TMPRSS15: variants seen among roughly 807,000 people sequenced by gnomAD.
TMPRSS15 encodes transmembrane serine protease 15, also known as enteropeptidase.
TMPRSS15 carries 128 observed loss-of-function variants against 125.3 expected under a neutral mutation model. That is an observed-to-expected ratio of 1.02 (90% CI 0.89 to 1.18). The LOEUF (loss-of-function observed/expected upper bound fraction) is 1.18, where lower values mean the gene tolerates loss of function less well. Among genes scored for constraint, TMPRSS15 ranks in the 50% most tolerant of loss-of-function variants. The pLI is 0.00. For synonymous variants in TMPRSS15, 446 were observed against 423.2 expected (o/e 1.05, Z -0.66); for missense variants, 1,283 against 1,212.7 (o/e 1.06, Z -0.86).
chr21:18,390,938 C>A (rs1355953286), intron 3 of TMPRSS15, among the ~76,000 whole-genome samples: 1 of 152,106 alleles, frequency 6.6e-6, no homozygotes, highest in East Asian at 1.9e-4. Flanking sequence ...ACCTTCTTCA[C>A]GTGGTGGCAG....
intron 19 of TMPRSS15, among the ~76,000 whole-genome samples, chr21:18,295,833 T>A (rs2074899960): frequency 2.6e-5 from 4 of 152,014 alleles, no homozygotes. Flanking sequence ...GTGGTCTGAG[T>A]CTGCATATAT....
chr21:18,271,788 C>G (rs1206583795), intron 24 of TMPRSS15, among the ~76,000 whole-genome samples: 2 of 151,962 alleles, frequency 1.3e-5, no homozygotes, highest in Non-Finnish European at 2.9e-5. Flanking sequence ...TCCATGTGTT[C>G]TCATTGTTCA....
At chr21:18,282,258 GTATAT>G (rs1284885716) in intron 21 of TMPRSS15, among the ~76,000 whole-genome samples, 1 of 152,062 alleles carries the variant, frequency 6.6e-6, no homozygotes, top group Non-Finnish European at 1.5e-5. Context: ...AAATTGGGTA[GTATAT>G]TATAATTTGA....
chr21:18,472,455 TTATATATATATA>T (rs34604020), intron 1 of TMPRSS15, among the ~76,000 whole-genome samples: 1 of 143,154 alleles, frequency 7.0e-6, no homozygotes, highest in Non-Finnish European at 1.5e-5. Context: ...GCTAAAAGAA[TTATATATATATA>T]TATATATATA....
intron 6 of TMPRSS15, 78 bp downstream of exon 6, chr21:18,372,115 T>TGC: frequency 8.4e-7 from 1 of 1,196,936 alleles, no homozygotes; most frequent in African/African-American, 1.5e-5. Flanking sequence ...TGTGTGTGTG[T>TGC]GTGTGTGTGT....
In TMPRSS15 at chr21:18,420,535, C is replaced by T. The variant is rs181838057; in HGVS notation, c.11-22206G>A. Among the ~76,000 whole-genome samples the T allele has an allele frequency of 7.6e-4, 116 of 152,282 alleles. No individual in the cohort carries two copies. The Middle Eastern group carries it at 0.01, about 13-fold the overall frequency. On this transcript the variant is annotated intron_variant, in intron 1 of 7. Coordinates refer to the TMPRSS15 transcript ENST00000422787. The stretch of plus-strand genomic sequence containing the variant: ...AGTAAAACCTGCATGTTACCTAAAA[C>T]AATTAGTAATTTGCCTTTGACTTAG...
At chr21:18,469,976 G>A (rs1251261282) in intron 1 of TMPRSS15, among the ~76,000 whole-genome samples, 1 of 151,932 alleles carries the variant, frequency 6.6e-6, no homozygotes, top group African/African-American at 2.4e-5. Context: ...TTAACCTTTG[G>A]TAAATTTCAT....
chr21:18,444,057 T>C (rs1601464865), intron 1 of TMPRSS15, among the ~76,000 whole-genome samples: 1 of 152,056 alleles, frequency 6.6e-6, no homozygotes. Flanking sequence ...GATGGCAGGG[T>C]GGGTGAATCC....
intron 9 of TMPRSS15, among the ~76,000 whole-genome samples, chr21:18,353,424 C>G (rs1045329185): frequency 9.9e-5 from 15 of 151,718 alleles, no homozygotes; most frequent in African/African-American, 3.6e-4. Flanking sequence ...GTAGAATTTT[C>G]TCTGAATTAG....
At chr21:18,425,647 T>A (rs919128829) in intron 1 of TMPRSS15, among the ~76,000 whole-genome samples, 3 of 152,096 alleles carry the variant, frequency 2.0e-5, no homozygotes, top group Admixed American at 6.5e-5. Context: ...TCTGTGTAGA[T>A]CAATAATTTA....
At chr21:18,345,274 T>A (rs1273145028) in intron 10 of TMPRSS15, among the ~76,000 whole-genome samples, 1 of 152,186 alleles carries the variant, frequency 6.6e-6, no homozygotes, top group African/African-American at 2.4e-5. Flanking sequence ...ATTTCATGAG[T>A]ACATATCTTA....
intron 1 of TMPRSS15, among the ~76,000 whole-genome samples, chr21:18,470,843 T>C (rs563051583): frequency 2.0e-5 from 3 of 152,162 alleles, no homozygotes; most frequent in African/African-American, 7.2e-5. Context: ...TTTAAATTTA[T>C]ACAATGAAGG....
In TMPRSS15 at chr21:18,483,748, T is replaced by C. The variant is rs1209314691; in HGVS notation, c.10+2051A>G. 7.9e-5 allele frequency among the ~76,000 whole-genome samples: 12 copies of C among 152,082 alleles called. No homozygotes were observed. The East Asian group carries it at 2.3e-3, about 29-fold the overall frequency. The stretch of plus-strand genomic sequence containing the variant: ...TTTTCTAGACTTTTAAATATATTTT[T>C]AAGGTATAGCATTTATACAAAAAAT... On this transcript the variant is annotated intron_variant, in intron 1 of 7. Coordinates refer to the TMPRSS15 transcript ENST00000422787.
chr21:18,468,194 C>T, intron 1 of TMPRSS15, among the ~76,000 whole-genome samples: 1 of 152,082 alleles, frequency 6.6e-6, no homozygotes, highest in Non-Finnish European at 1.5e-5. Context: ...TTGACCATCC[C>T]TATTTCAACC....
rs541930913 is a variant in TMPRSS15, at chr21:18,318,731, G to A, written c.1922-3475C>T. On this transcript the variant is annotated intron_variant, in intron 16 of 24. Transcript: ENST00000284885. ...CCTGAAATATTCAGAGCCGAAAAAG[G>A]AGATTTGAATTAAAATAGAGACAAA... 7.9e-5 allele frequency among the ~76,000 whole-genome samples: 12 copies of A among 152,310 alleles called. 1 individual carries two copies. The South Asian group carries it at 2.5e-3, about 32-fold the overall frequency.
intron 5 of TMPRSS15, among the ~76,000 whole-genome samples, chr21:18,373,227 C>T (rs1353944096): frequency 1.1e-4 from 16 of 151,812 alleles, no homozygotes; most frequent in Non-Finnish European, 2.2e-4. Flanking sequence ...ATAAAAATGC[C>T]CATGTCAATG....
chr21:18,435,835 C>T (rs13050984), intron 1 of TMPRSS15, among the ~76,000 whole-genome samples: 54,349 of 151,990 alleles, frequency 0.36, 10,686 homozygotes, highest in Middle Eastern at 0.48. Context: ...TTCAGAGATT[C>T]GACTTCTTCC....
At chr21:18,288,319 G>C (rs2074789749) in intron 21 of TMPRSS15, among the ~76,000 whole-genome samples, 1 of 152,112 alleles carries the variant, frequency 6.6e-6, no homozygotes, top group African/African-American at 2.4e-5. Context: ...ATAGATCAGA[G>C]AGAGTTAGAA....
chr21:18,396,715 A>G (rs1002013664), intron 3 of TMPRSS15, among the ~76,000 whole-genome samples: 2 of 149,858 alleles, frequency 1.3e-5, no homozygotes, highest in African/African-American at 4.9e-5. Flanking sequence ...TGGAGCTTGC[A>G]GTGAGCTGAG....
Sources: gnomAD v4.1 joint callset for allele counts (sites outside exome capture counted in the v4.1 genomes callset) on GRCh38, gnomAD v4.1.1 for gene constraint, MANE v1.5 for transcripts, NCBI Gene and HGNC (gene_info 2026-07-23, HGNC 2026-07-21) for gene names.